KYNU: variants seen among roughly 807,000 people sequenced by gnomAD.
KYNU encodes kynureninase.
KYNU carries 54 observed loss-of-function variants against 59.2 expected under a neutral mutation model. The ratio of observed to expected loss-of-function variants is 0.91; its 90% CI spans 0.73 to 1.14. The LOEUF (loss-of-function observed/expected upper bound fraction) is 1.14. KYNU is among the 50% of genes most tolerant of loss of function. KYNU has a pLI of 0.00. For missense variants in KYNU, 567 were observed against 554.4 expected (o/e 1.02, Z -0.23); for synonymous variants, 177 against 192.0 (o/e 0.92, Z 0.65).
rs543794486 is a variant in KYNU, at chr2:142,981,290, A to C, written c.730-3794A>C. On this transcript the variant is annotated intron_variant, in intron 8 of 13. Coordinates refer to ENST00000264170, the MANE Select transcript of KYNU (RefSeq NM_003937.3). ...TTTCTATTTCTTGAGTTTTCTTAGA[A>C]AAATTGAGTTGTAAAAACAAATCTG... 5.3e-5 allele frequency among the ~76,000 whole-genome samples: 8 copies of C among 152,272 alleles called. No homozygotes were observed. In the East Asian group the frequency reaches 1.5e-3, roughly 29 times the overall value.
At chr2:142,896,295 T>C (rs1443187609) in intron 2 of KYNU, among the ~76,000 whole-genome samples, 2 of 152,346 alleles carry the variant, frequency 1.3e-5, no homozygotes, top group African/African-American at 4.8e-5. Flanking sequence ...TCACCCCCAG[T>C]TGGTATTACC....
At chr2:142,981,529 T>C (rs1394171303) in intron 8 of KYNU, among the ~76,000 whole-genome samples, 6 of 152,036 alleles carry the variant, frequency 3.9e-5, no homozygotes. Context: ...CAAACCTAGG[T>C]TGTGATGACC....
At chr2:143,041,964 G>T (rs1687069374) in intron 13 of KYNU, 83 bp from the exon 14 acceptor site, 10 of 1,389,146 alleles carry the variant, frequency 7.2e-6, no homozygotes, top group African/African-American at 1.4e-5. Context: ...TTATGAAAGT[G>T]CTTTACATAA....
intron 10 of KYNU, chr2:142,990,026 A>T (rs1685350845): frequency 6.6e-6 from 1 of 151,820 alleles, no homozygotes; most frequent in Non-Finnish European, 1.5e-5. Flanking sequence ...CCATAAAGAG[A>T]ATGAATAAAT....
rs754279502 is a variant in KYNU at position 143,040,663 on chromosome 2, G to A, written c.1272+5G>A. 1 of 1,581,614 alleles carries A rather than the reference G, an allele frequency of 6.3e-7. No homozygotes were observed. Among genetic ancestry groups the A allele is most frequent in the Non-Finnish European group, 8.6e-7 (1 of 1,156,732 alleles). Reference sequence around the variant, plus strand: ...CTAGAAAAAAGAGGAGTGGTTGTAAGTATGTCTTGCTTTGCTACCAGATTT... The same window carrying A: ...CTAGAAAAAAGAGGAGTGGTTGTAAATATGTCTTGCTTTGCTACCAGATTT... On this transcript the variant is annotated splice_donor_5th_base_variant and intron_variant, in intron 13 of 13. Coordinates refer to ENST00000264170, the MANE Select transcript of KYNU (RefSeq NM_003937.3).
chr2:143,015,278 C>T (rs1251394541), intron 10 of KYNU, among the ~76,000 whole-genome samples: 3 of 152,256 alleles, frequency 2.0e-5, no homozygotes, highest in Middle Eastern at 3.4e-3. Context: ...GTCCTCAGAA[C>T]TCTTTTAAGA....
intron 8 of KYNU, among the ~76,000 whole-genome samples, chr2:142,978,915 T>TA (rs990217548): frequency 2.0e-5 from 3 of 152,050 alleles, no homozygotes; most frequent in Admixed American, 2.0e-4. Flanking sequence ...TAGTCCAAAA[T>TA]CAATTTGATA....
At chr2:142,978,969 A>G (rs1684974390) in intron 8 of KYNU, among the ~76,000 whole-genome samples, 1 of 152,166 alleles carries the variant, frequency 6.6e-6, no homozygotes, top group Non-Finnish European at 1.5e-5. Flanking sequence ...TGCTACTAGG[A>G]AAATACTTCA....
At chr2:143,031,375 C>T (rs1017506222) in intron 11 of KYNU, among the ~76,000 whole-genome samples, 2 of 152,248 alleles carry the variant, frequency 1.3e-5, no homozygotes, top group African/African-American at 2.4e-5. Context: ...GGTGGTAAAG[C>T]AGCCATAGGT....
Position 143,048,783 on chromosome 2 carries a change from C to G in KYNU, c.*6611C>G, listed in dbSNP as rs1020974651. The G allele has an allele frequency of 6.6e-5, 10 of 152,124 alleles. No homozygotes were observed. Among genetic ancestry groups the G allele is most frequent in the Non-Finnish European group, 1.2e-4 (8 of 68,020 alleles). 9.4% of individuals were successfully genotyped at this position (152,124 alleles called of 1,614,324 possible). ...TTCAGATCATCAGAGAAATGCAAAT[C>G]AGAACCACAATGAGATGCCATCTCA... On this transcript the variant is annotated 3_prime_UTR_variant, in exon 14 of 14. Transcript: ENST00000264170.
In KYNU at chr2:143,029,156, C is replaced by A. The variant is rs534567641; in HGVS notation, c.903-471C>A. 1.5e-4 allele frequency among the ~76,000 whole-genome samples: 23 copies of A among 152,228 alleles called. No homozygotes were observed. In the East Asian group the frequency reaches 4.4e-3, roughly 29 times the overall value. ...AGATGGATAGATTTTTATCCTCATTCTTTTAATTATAAATATTAATTACCA... is the reference window on the plus strand; with the variant it reads ...AGATGGATAGATTTTTATCCTCATTATTTTAATTATAAATATTAATTACCA... On this transcript the variant is annotated intron_variant, in intron 10 of 13. Transcript: ENST00000264170.
chr2:142,892,471 T>A (rs1681745836), intron 2 of KYNU, among the ~76,000 whole-genome samples: 1 of 152,158 alleles, frequency 6.6e-6, no homozygotes. Flanking sequence ...TCAAAGAATG[T>A]CATGTAAAAA....
At chr2:142,880,531 A>G (rs1341100624) in intron 1 of KYNU, among the ~76,000 whole-genome samples, 1 of 152,212 alleles carries the variant, frequency 6.6e-6, no homozygotes, top group Non-Finnish European at 1.5e-5. Context: ...GAGTCATTCT[A>G]TGACAGTATT....
chr2:142,903,597 G>A (rs1455114983), intron 2 of KYNU, among the ~76,000 whole-genome samples: 1 of 152,098 alleles, frequency 6.6e-6, no homozygotes, highest in Non-Finnish European at 1.5e-5. Context: ...GGCCACGCCA[G>A]TGTCCAGGAG....
chr2:143,029,547 C>A, intron 10 of KYNU, 80 bp from the exon 11 acceptor site: 1 of 856,428 alleles, frequency 1.2e-6, no homozygotes, highest in Non-Finnish European at 2.0e-6. Context: ...GATCACGCCA[C>A]TGCACTCCAG....
chr2:142,901,134 G>A (rs1020757299), intron 2 of KYNU, among the ~76,000 whole-genome samples: 3 of 151,924 alleles, frequency 2.0e-5, no homozygotes, highest in Non-Finnish European at 4.4e-5. Context: ...CACTTCACAG[G>A]CCCTGACTAT....
At chr2:142,985,726 A>G (rs1685179192) in intron 9 of KYNU, among the ~76,000 whole-genome samples, 2 of 151,938 alleles carry the variant, frequency 1.3e-5, no homozygotes. Flanking sequence ...TTGCCCCGTA[A>G]AAGTAATAGC....
chr2:142,961,320 TC>T (rs1684343400), intron 8 of KYNU, among the ~76,000 whole-genome samples: 1 of 127,982 alleles, frequency 7.8e-6, no homozygotes, highest in South Asian at 2.7e-4. Flanking sequence ...TGGTCTCACC[TC>T]CTTAGTAGCA....
intron 2 of KYNU, among the ~76,000 whole-genome samples, chr2:142,902,402 G>T (rs1399994731): frequency 6.6e-6 from 1 of 152,188 alleles, no homozygotes; most frequent in Non-Finnish European, 1.5e-5. Flanking sequence ...TGCTTTAGGA[G>T]TCCATTTTAC....
Sources: gnomAD v4.1 joint callset for allele counts (sites outside exome capture counted in the v4.1 genomes callset) on GRCh38, gnomAD v4.1.1 for gene constraint, MANE v1.5 for transcripts, NCBI Gene and HGNC (gene_info 2026-07-23, HGNC 2026-07-21) for gene names.